Variants in GSK3B observed in about 807,000 individuals in gnomAD.
GSK3B encodes glycogen synthase kinase 3 beta, also known as glycogen synthase kinase-3 beta.
GSK3B carries 15 observed loss-of-function variants against 56.4 expected under a neutral mutation model. The ratio of observed to expected loss-of-function variants is 0.27; its 90% CI spans 0.18 to 0.41. GSK3B has a LOEUF of 0.41. Among genes scored for constraint, GSK3B ranks in the 10% least tolerant of loss-of-function variants. The probability of loss-of-function intolerance (pLI) is 1.00; values close to 1 mark genes in which losing one functional copy is unlikely to be tolerated. For synonymous variants in GSK3B, 181 were observed against 188.9 expected (o/e 0.96, Z 0.34); for missense variants, 300 against 513.4 (o/e 0.58, Z 4.02).
chr3:119,842,260 C>A (rs991071732), intron 10 of GSK3B, among the ~76,000 whole-genome samples: 2 of 152,152 alleles, frequency 1.3e-5, no homozygotes, highest in Non-Finnish European at 2.9e-5. Flanking sequence ...CTAAATCAGG[C>A]CCCACCATTA....
rs529587781 is a variant in GSK3B, at chr3:120,013,239, C to T, written c.89-11000G>A. ...CCACTTCAAGGATGTTTAAATATTT[C>T]GTAGGTAGGTGTCTGGCACTGACAC... is the stretch of plus-strand genomic sequence containing the variant. On this transcript the variant is annotated intron_variant, in intron 1 of 10. Coordinates refer to ENST00000264235, the MANE Select transcript of GSK3B (RefSeq NM_001146156.2). Among the ~76,000 whole-genome samples the T allele has an allele frequency of 9.9e-5, 15 of 152,244 alleles. No homozygotes were observed. In the South Asian group the frequency reaches 3.1e-3, roughly 32 times the overall value.
intron 1 of GSK3B, chr3:120,029,129 T>C (rs901824583): frequency 5.6e-6 from 4 of 720,104 alleles, no homozygotes; most frequent in Non-Finnish European, 9.9e-6. Context: ...CAGAGTTATT[T>C]TGATGATATA....
chr3:119,979,931 T>C (rs1208735428), intron 2 of GSK3B, among the ~76,000 whole-genome samples: 1 of 152,164 alleles, frequency 6.6e-6, no homozygotes, highest in East Asian at 1.9e-4. Flanking sequence ...GTTTTCCTAG[T>C]CCTGTTCTTC....
At chr3:119,959,603 C>T (rs1189384313) in intron 2 of GSK3B, among the ~76,000 whole-genome samples, 1 of 148,636 alleles carries the variant, frequency 6.7e-6, no homozygotes, top group African/African-American at 2.5e-5. Context: ...CAACCTCTGT[C>T]TCCCAGGTTC....
intron 3 of GSK3B, among the ~76,000 whole-genome samples, chr3:119,934,704 T>C (rs757385003): frequency 1.1e-4 from 17 of 152,174 alleles, no homozygotes; most frequent in Non-Finnish European, 2.2e-4. Context: ...GGGGAAACTT[T>C]GCAGGGTCTG....
chr3:119,861,449 T>G (rs1318019849), intron 9 of GSK3B, among the ~76,000 whole-genome samples: 2 of 149,976 alleles, frequency 1.3e-5, no homozygotes, highest in Non-Finnish European at 3.0e-5. Context: ...AGGTGGAGGT[T>G]GCAGCGAGCC....
intron 3 of GSK3B, among the ~76,000 whole-genome samples, chr3:119,944,748 A>C (rs2107489370): frequency 6.6e-6 from 1 of 152,282 alleles, no homozygotes; most frequent in South Asian, 2.1e-4. Flanking sequence ...TGTCATAAGC[A>C]TCTCAAATGA....
intron 2 of GSK3B, among the ~76,000 whole-genome samples, chr3:120,001,740 C>T (rs749364382): frequency 6.6e-5 from 10 of 152,142 alleles, no homozygotes; most frequent in Non-Finnish European, 1.0e-4. Flanking sequence ...CAACACAGTA[C>T]AACGGTGAGG....
chr3:119,939,084 G>A lies in GSK3B; in HGVS notation c.366+8184C>T, dbSNP rs370898732. ...AGAAGCTTTTGGGGCTAAAAGGGGG[G>A]CTGGGGGGAGAGAAAATAGTGAGAT... On this transcript the variant is annotated intron_variant, in intron 3 of 10. Coordinates refer to ENST00000264235, the MANE Select transcript of GSK3B (RefSeq NM_001146156.2). 5.3e-5 allele frequency among the ~76,000 whole-genome samples: 8 copies of A among 152,034 alleles called. No individual in the cohort carries two copies. The East Asian group carries it at 1.3e-3, about 26-fold the overall frequency.
intron 1 of GSK3B, among the ~76,000 whole-genome samples, chr3:120,081,656 A>C (rs1392511187): frequency 1.3e-5 from 2 of 152,262 alleles, no homozygotes; most frequent in Admixed American, 1.3e-4. Flanking sequence ...TCATACCACT[A>C]GACACCATAT....
chr3:119,828,625 T>C (rs540808396), intron 10 of GSK3B, among the ~76,000 whole-genome samples: 1 of 152,328 alleles, frequency 6.6e-6, no homozygotes, highest in South Asian at 2.1e-4. Context: ...GTCCTGGATC[T>C]TTCTACTTTG....
chr3:120,021,144 T>C (rs886222763), intron 1 of GSK3B, among the ~76,000 whole-genome samples: 1 of 152,144 alleles, frequency 6.6e-6, no homozygotes, highest in Admixed American at 6.5e-5. Flanking sequence ...TAGCAAGTTA[T>C]CCAGAAGATT....
intron 1 of GSK3B, among the ~76,000 whole-genome samples, chr3:120,034,990 G>A (rs984487488): frequency 2.0e-5 from 3 of 152,134 alleles, no homozygotes; most frequent in Non-Finnish European, 4.4e-5. Flanking sequence ...CTACTCGGGT[G>A]GCTAAGGTGG....
intron 10 of GSK3B, among the ~76,000 whole-genome samples, chr3:119,836,579 A>G (rs2055693814): frequency 6.6e-6 from 1 of 152,200 alleles, no homozygotes; most frequent in South Asian, 2.1e-4. Context: ...CAACGGTTTG[A>G]TTTCCATCTT....
chr3:119,836,023 G>T (rs1023262669), intron 10 of GSK3B, among the ~76,000 whole-genome samples: 3 of 152,122 alleles, frequency 2.0e-5, no homozygotes, highest in Non-Finnish European at 4.4e-5. Flanking sequence ...CAACTAAAAA[G>T]AATTGGCTGG....
At chr3:119,885,257 T>C (rs1280422071) in intron 7 of GSK3B, among the ~76,000 whole-genome samples, 3 of 146,904 alleles carry the variant, frequency 2.0e-5, no homozygotes, top group African/African-American at 7.7e-5. Flanking sequence ...ACAAATAAAA[T>C]AAAATAAAAT....
chr3:119,836,851 G>A (rs1489155204), intron 10 of GSK3B, among the ~76,000 whole-genome samples: 6 of 152,176 alleles, frequency 3.9e-5, no homozygotes, highest in Non-Finnish European at 8.8e-5. Context: ...AACATTTCTA[G>A]TAGGCTCTGC....
chr3:120,056,093 C>A (rs1022789093), intron 1 of GSK3B, among the ~76,000 whole-genome samples: 7 of 152,188 alleles, frequency 4.6e-5, no homozygotes, highest in African/African-American at 1.7e-4. Context: ...GAGGCATATA[C>A]AGAATCCAGG....
chr3:119,866,371 T>G (rs189110652), intron 8 of GSK3B, among the ~76,000 whole-genome samples: 1 of 152,302 alleles, frequency 6.6e-6, no homozygotes, highest in Non-Finnish European at 1.5e-5. Flanking sequence ...TTCCTAAACT[T>G]CAGCCTAGAT....
Sources: allele counts gnomAD v4.1 joint callset (sites outside exome capture counted in the v4.1 genomes callset), GRCh38; gene constraint gnomAD v4.1.1; transcripts MANE v1.5; gene names NCBI Gene and HGNC (gene_info 2026-07-23, HGNC 2026-07-21).